TRPC3: variants seen among roughly 807,000 people sequenced by gnomAD.
TRPC3 encodes transient receptor potential cation channel subfamily C member 3.
TRPC3 carries 54 observed loss-of-function variants against 90.9 expected under a neutral mutation model. The ratio of observed to expected loss-of-function variants is 0.59; its 90% CI spans 0.48 to 0.75. TRPC3 has a LOEUF of 0.75. Ranked by LOEUF, TRPC3 falls within the 30% of genes least tolerant of loss-of-function variation. TRPC3 has a pLI of 0.00. For missense variants in TRPC3, 918 were observed against 1,194.5 expected, an observed-to-expected ratio of 0.77 and a Z score of 3.41; for synonymous variants, 424 against 450.9, an observed-to-expected ratio of 0.94 and a Z score of 0.75.
chr4:121,884,146 A>T (rs1436671539), intron 10 of TRPC3, among the ~76,000 whole-genome samples: 1 of 152,210 alleles, frequency 6.6e-6, no homozygotes, highest in Non-Finnish European at 1.5e-5. Context: ...TCTTAGAAGC[A>T]TAATGTTGAA....
At chr4:121,923,086 AG>A (rs1729582885) in intron 3 of TRPC3, among the ~76,000 whole-genome samples, 1 of 145,404 alleles carries the variant, frequency 6.9e-6, no homozygotes, top group Non-Finnish European at 1.5e-5. Flanking sequence ...AGAGAGAAAG[AG>A]GAGAAAGAGA....
intron 1 of TRPC3, among the ~76,000 whole-genome samples, chr4:121,934,674 G>A (rs1730066786): frequency 6.6e-6 from 1 of 152,192 alleles, no homozygotes; most frequent in South Asian, 2.1e-4. Context: ...GCCTCCCTGG[G>A]TGCCTGGGGT....
In TRPC3 at chr4:121,894,455, A is replaced by G. The variant is rs190765864; in HGVS notation, c.2547+5157T>C. ...GCATTAGACAGATCATTCAGACAGA[A>G]AATCAACAAAAAACCATCAGATTTA... is the stretch of plus-strand genomic sequence containing the variant. On this transcript the variant is annotated intron_variant, in intron 10 of 11. Coordinates refer to ENST00000379645, the MANE Select transcript of TRPC3 (RefSeq NM_001130698.2). Among the ~76,000 whole-genome samples the G allele has an allele frequency of 1.4e-3, 215 of 152,164 alleles. 1 individual carries two copies. Among genetic ancestry groups the G allele is most frequent in the African/African-American group, 4.7e-3 (197 of 41,528 alleles).
At position 121,935,068 on chromosome 4, in the gene TRPC3, TAAG is replaced by T. The variant is rs1730084635; in HGVS notation, c.216-2029_216-2027del. 5.3e-5 allele frequency among the ~76,000 whole-genome samples: 8 copies of T among 152,314 alleles called. No homozygotes were observed. In the South Asian group the frequency reaches 1.7e-3, roughly 32 times the overall value. ...TTTGAAGTTATATCTGGACTGGGAC[TAAG>T]AAGTCATACAGGAAGGGGGACTTTC... On this transcript the variant is annotated intron_variant, in intron 1 of 11. Transcript: ENST00000379645.
intron 5 of TRPC3, among the ~76,000 whole-genome samples, chr4:121,910,803 GAGA>G (rs1239151881): frequency 6.6e-6 from 1 of 152,112 alleles, no homozygotes; most frequent in African/African-American, 2.4e-5. Flanking sequence ...GTGATTATTG[GAGA>G]AATAAGTCCA....
At position 121,940,179 on chromosome 4, in the gene TRPC3, T is replaced by A. The variant is rs79389496; in HGVS notation, c.216-7137A>T. On this transcript the variant is annotated intron_variant, in intron 1 of 11. Coordinates refer to ENST00000379645, the MANE Select transcript of TRPC3 (RefSeq NM_001130698.2). ...CGGCTCAAGACGTGGGGAGACACTG[T>A]CCTAACTGACCAAATCCCTGCCAAA... 6.2e-3 allele frequency among the ~76,000 whole-genome samples: 942 copies of A among 152,228 alleles called. 8 individuals are homozygous for A. The highest frequency in any genetic ancestry group is 0.022 in the African/African-American group (899 of 41,534).
chr4:121,950,244 C>T (rs1202315076), intron 1 of TRPC3, among the ~76,000 whole-genome samples: 2 of 152,206 alleles, frequency 1.3e-5, no homozygotes, highest in Non-Finnish European at 2.9e-5. Flanking sequence ...ACCGGCAGGT[C>T]CAGCCTGACC....
intron 9 of TRPC3, among the ~76,000 whole-genome samples, chr4:121,900,894 C>A (rs1489710912): frequency 1.3e-5 from 2 of 152,148 alleles, no homozygotes; most frequent in East Asian, 3.9e-4. Flanking sequence ...TTTCCAGCAT[C>A]TTCTCTGAGA....
In TRPC3 at chr4:121,932,756, T is replaced by G. The variant is rs1394457759; in HGVS notation, c.502A>C (p.Lys168Gln). ...CCAATGCGCGCCAGGTTCTCCTTCTTGAGCAGCAGCTCGGTCACCTCCAGG... is the reference window on the plus strand; with the variant it reads ...CCAATGCGCGCCAGGTTCTCCTTCTGGAGCAGCAGCTCGGTCACCTCCAGG... ...EHLEVTELLLKKENLARIGDA... is the reference protein window; with the variant it reads ...EHLEVTELLLQKENLARIGDA... Residue 168 changes from lysine (K) to glutamine (Q), a missense_variant, in exon 2 of 12, where the codon AAG becomes CAG. Lys to Gln is a moderately conservative substitution (Grantham distance 53). Transcript: ENST00000379645. This position sits in a 1 kb window ranked among gnomAD's most constrained non-coding sequence, Gnocchi z 7.7. 1 of 1,613,780 alleles carries G rather than the reference T, an allele frequency of 6.2e-7. No individual in the cohort carries two copies. The highest frequency in any genetic ancestry group is 8.5e-7 in the Non-Finnish European group (1 of 1,179,774).
At chr4:121,903,516 G>T (rs1186319993) in intron 8 of TRPC3, among the ~76,000 whole-genome samples, 1 of 152,172 alleles carries the variant, frequency 6.6e-6, no homozygotes, top group Admixed American at 6.5e-5. Context: ...ATTCTCAGAT[G>T]AATTGCTTTT....
Position 121,932,229 on chromosome 4 carries a change from G to C in TRPC3, c.987+42C>G. 6.3e-7 allele frequency: 1 copy of C among 1,590,976 alleles called. No homozygotes were observed. The highest frequency in any genetic ancestry group is 8.6e-7 in the Non-Finnish European group (1 of 1,165,770). ...CAGGCCAGGCAGCAGCGGGGAAGTT[G>C]GGTGAGCACACAGAGCAGCCGGGGT... is the stretch of plus-strand genomic sequence containing the variant. On this transcript the variant is annotated intron_variant, in intron 2 of 11. Coordinates refer to ENST00000379645, the MANE Select transcript of TRPC3 (RefSeq NM_001130698.2). The surrounding 1 kb of genome is among the most constrained non-coding windows in gnomAD (Gnocchi z 7.7).
At chr4:121,950,311 C>T (rs888671146) in intron 1 of TRPC3, among the ~76,000 whole-genome samples, 2 of 152,232 alleles carry the variant, frequency 1.3e-5, no homozygotes. Flanking sequence ...CAGGGGTCAT[C>T]CCGGAGGTCT....
At chr4:121,919,952 G>A (rs1260789121) in intron 3 of TRPC3, among the ~76,000 whole-genome samples, 1 of 152,082 alleles carries the variant, frequency 6.6e-6, no homozygotes, top group African/African-American at 2.4e-5. Flanking sequence ...GGTGGGGAGT[G>A]GATTAATGTT....
At chr4:121,940,055 G>T (rs1030050182) in intron 1 of TRPC3, among the ~76,000 whole-genome samples, 1 of 152,180 alleles carries the variant, frequency 6.6e-6, no homozygotes, top group Non-Finnish European at 1.5e-5. Flanking sequence ...GCCTCTTTCT[G>T]CAGTGTGCTG....
intron 3 of TRPC3, among the ~76,000 whole-genome samples, chr4:121,918,073 G>A (rs965540431): frequency 2.2e-4 from 34 of 152,202 alleles, no homozygotes; most frequent in African/African-American, 8.2e-4. Flanking sequence ...ATTAGGCCAT[G>A]AGGGCTGCTC....
At chr4:121,880,370 A>G (rs1435184659) in intron 11 of TRPC3, among the ~76,000 whole-genome samples, 1 of 152,218 alleles carries the variant, frequency 6.6e-6, no homozygotes, top group Non-Finnish European at 1.5e-5. Context: ...AAAGAAAGAA[A>G]AAAGAGTAAG....
chr4:121,897,548 C>G (rs1231431367), intron 10 of TRPC3, among the ~76,000 whole-genome samples: 1 of 116,674 alleles, frequency 8.6e-6, no homozygotes. Flanking sequence ...AGAATACATA[C>G]AAATGGTCAA....
intron 1 of TRPC3, among the ~76,000 whole-genome samples, chr4:121,936,779 C>T (rs530498032): frequency 1.3e-5 from 2 of 152,158 alleles, no homozygotes; most frequent in South Asian, 2.1e-4. Flanking sequence ...CTCCAGAAAC[C>T]GAACATGCTG....
intron 2 of TRPC3, among the ~76,000 whole-genome samples, chr4:121,929,205 GT>G (rs1434612071): frequency 2.6e-5 from 4 of 152,086 alleles, no homozygotes; most frequent in African/African-American, 9.7e-5. Context: ...TACAGCCTTT[GT>G]TTTCTCTTTT....
Sources: allele counts gnomAD v4.1 joint callset (sites outside exome capture counted in the v4.1 genomes callset), GRCh38; gene constraint gnomAD v4.1.1; non-coding constraint Gnocchi (gnomAD v3.1); transcripts MANE v1.5; gene names NCBI Gene and HGNC (gene_info 2026-07-23, HGNC 2026-07-21).